CUBN: variants seen among roughly 807,000 people sequenced by gnomAD.
The protein encoded by CUBN is cubilin, also known as 460 kDa receptor.
CUBN carries 282 observed loss-of-function variants against 405.3 expected under a neutral mutation model. That is an observed-to-expected ratio of 0.70 (90% confidence interval 0.63 to 0.77). The LOEUF is 0.77. Ranked by LOEUF, CUBN falls within the 30% of genes least tolerant of loss-of-function variation. The probability of loss-of-function intolerance (pLI) is 0.00; values close to 1 mark genes in which losing one functional copy is unlikely to be tolerated. For synonymous variants in CUBN, 1,684 were observed against 1,617.0 expected (o/e 1.04, Z -0.99); for missense variants, 4,514 against 4,475.2 (o/e 1.01, Z -0.25).
chr10:16,925,130 T>A, intron 43 of CUBN, 111 bp downstream of exon 43: 1 of 777,716 alleles, frequency 1.3e-6, no homozygotes, highest in Non-Finnish European at 2.2e-6. Flanking sequence ...TACTTGAGAG[T>A]AGGCATTCTT....
At chr10:16,827,000 T>C (rs1838803652) in intron 66 of CUBN, among the ~76,000 whole-genome samples, 1 of 152,236 alleles carries the variant, frequency 6.6e-6, no homozygotes, top group African/African-American at 2.4e-5. Flanking sequence ...AAATCTGATG[T>C]GTGGCACATT....
At chr10:16,901,526 A>G in intron 51 of CUBN, 67 bp from the exon 52 acceptor site, 1 of 1,588,680 alleles carries the variant, frequency 6.3e-7, no homozygotes, top group Non-Finnish European at 8.6e-7. Flanking sequence ...ATGCCAAAGT[A>G]AGTAGTAATC....
chr10:16,962,815 G>A (rs61841465), intron 31 of CUBN, among the ~76,000 whole-genome samples: 33,833 of 152,124 alleles, frequency 0.22, 4,115 homozygotes, highest in Non-Finnish European at 0.28. Flanking sequence ...ACATGAGTGA[G>A]CCAGGAAGCA....
chr10:17,108,344 G>A (rs1175060413), intron 10 of CUBN, among the ~76,000 whole-genome samples: 1 of 151,844 alleles, frequency 6.6e-6, no homozygotes, highest in Non-Finnish European at 1.5e-5. Flanking sequence ...ACTTTGGTAT[G>A]TTGATAATCA....
chr10:17,109,082 G>T lies in CUBN; in HGVS notation c.1111+558C>A, dbSNP rs112907080. ...GAGTAAATATGTATTTTTATACACT[G>T]TCGGTGAATACATAAATTGATACAA... is the stretch of plus-strand genomic sequence containing the variant. On this transcript the variant is annotated intron_variant, in intron 10 of 66. Coordinates refer to ENST00000377833, the MANE Select transcript of CUBN (RefSeq NM_001081.4). 9.8e-3 allele frequency among the ~76,000 whole-genome samples: 1,499 copies of T among 152,238 alleles called. 7 individuals are homozygous for T. The highest frequency in any genetic ancestry group is 0.015 in the Non-Finnish European group (1,013 of 68,006).
At chr10:17,104,299 C>A (rs1193763598) in intron 12 of CUBN, 120 bp downstream of exon 12, 1 of 805,724 alleles carries the variant, frequency 1.2e-6, no homozygotes, top group Non-Finnish European at 2.1e-6. Context: ...AGACTTAGTT[C>A]TCAGTATCTG....
chr10:16,958,940 G>A (rs1282250583), intron 31 of CUBN, among the ~76,000 whole-genome samples: 13 of 152,154 alleles, frequency 8.5e-5, no homozygotes, highest in South Asian at 6.2e-4. Context: ...AGTTACAGCC[G>A]GGTCTCTCTG....
At chr10:16,861,145 T>C (rs1188142804) in intron 59 of CUBN, among the ~76,000 whole-genome samples, 1 of 151,808 alleles carries the variant, frequency 6.6e-6, no homozygotes, top group East Asian at 1.9e-4. Context: ...CCATAGATTG[T>C]CCATTTTCCC....
chr10:17,009,475 G>A (rs770382529), intron 28 of CUBN, among the ~76,000 whole-genome samples: 1 of 152,218 alleles, frequency 6.6e-6, no homozygotes, highest in Non-Finnish European at 1.5e-5. Flanking sequence ...AGTAATCTGG[G>A]CACAGCCTGC....
chr10:17,052,439 T>TA (rs1211018711), intron 22 of CUBN, among the ~76,000 whole-genome samples: 1 of 151,930 alleles, frequency 6.6e-6, no homozygotes, highest in Non-Finnish European at 1.5e-5. Flanking sequence ...AAAGCAAAAA[T>TA]AATAGTAAGG....
At chr10:16,944,157 C>T (rs953948090) in intron 36 of CUBN, among the ~76,000 whole-genome samples, 1 of 152,096 alleles carries the variant, frequency 6.6e-6, no homozygotes, top group African/African-American at 2.4e-5. Flanking sequence ...CCCACCAAAC[C>T]GCAGGGGTGA....
At chr10:16,949,875 T>C in intron 34 of CUBN, 126 bp downstream of exon 34, 1 of 741,826 alleles carries the variant, frequency 1.3e-6, no homozygotes, top group Non-Finnish European at 2.4e-6. Context: ...TCATCTTTAT[T>C]TGGCTTAGGC....
chr10:16,957,274 G>A (rs1184811609), intron 31 of CUBN, among the ~76,000 whole-genome samples: 1 of 152,138 alleles, frequency 6.6e-6, no homozygotes, highest in Non-Finnish European at 1.5e-5. Context: ...CCACAAATGA[G>A]TGACATCATG....
intron 64 of CUBN, among the ~76,000 whole-genome samples, chr10:16,833,972 A>T (rs1393069537): frequency 6.6e-6 from 1 of 152,238 alleles, no homozygotes; most frequent in Non-Finnish European, 1.5e-5. Context: ...CTTGTGTGGT[A>T]CAAAGCCAGT....
At chr10:16,919,754 C>G (rs372351626) in intron 44 of CUBN, among the ~76,000 whole-genome samples, 43 of 152,304 alleles carry the variant, frequency 2.8e-4, no homozygotes, top group African/African-American at 1.0e-3. Context: ...TCTAGGGTCA[C>G]AAGGGACAGT....
At chr10:16,831,823 C>A (rs1487377653) in intron 64 of CUBN, among the ~76,000 whole-genome samples, 1 of 149,994 alleles carries the variant, frequency 6.7e-6, no homozygotes, top group Non-Finnish European at 1.5e-5. Flanking sequence ...AACTATTACA[C>A]CTTTCTCATT....
At chr10:16,909,770 A>G (rs1841668341) in intron 48 of CUBN, among the ~76,000 whole-genome samples, 1 of 152,252 alleles carries the variant, frequency 6.6e-6, no homozygotes, top group African/African-American at 2.4e-5. Context: ...CTTAGAAACT[A>G]CAACTCTCAG....
At chr10:16,967,101 C>A (rs1843413729) in intron 31 of CUBN, among the ~76,000 whole-genome samples, 1 of 152,130 alleles carries the variant, frequency 6.6e-6, no homozygotes, top group Non-Finnish European at 1.5e-5. Flanking sequence ...ATTATAGCAT[C>A]TCTTCTTGGG....
At chr10:16,968,455 T>C (rs1843462344) in intron 31 of CUBN, among the ~76,000 whole-genome samples, 1 of 152,188 alleles carries the variant, frequency 6.6e-6, no homozygotes, top group Non-Finnish European at 1.5e-5. Flanking sequence ...AGCCCTCGTT[T>C]GTGTTTTCCT....
Sources: allele counts gnomAD v4.1 joint callset (sites outside exome capture counted in the v4.1 genomes callset), GRCh38; gene constraint gnomAD v4.1.1; transcripts MANE v1.5; gene names NCBI Gene and HGNC (gene_info 2026-07-23, HGNC 2026-07-21).